Variants in PI4KA observed in about 807,000 individuals in gnomAD.
The protein encoded by PI4KA is phosphatidylinositol 4-kinase alpha, also known as PI4-kinase alpha.
Under a neutral mutation model 271.4 loss-of-function variants are expected in PI4KA, and 122 were observed. That is an observed-to-expected ratio of 0.45 (90% CI 0.39 to 0.52). PI4KA has a LOEUF of 0.52. PI4KA is among the 20% of genes least tolerant of loss of function. PI4KA has a pLI of 0.00. For missense variants in PI4KA, 1,969 were observed against 2,769.1 expected (o/e 0.71, Z 6.48); for synonymous variants, 1,041 against 1,078.8 (o/e 0.96, Z 0.69).
Position 20,834,893 on chromosome 22 carries a change from G to A in PI4KA, c.274-238C>T, listed in dbSNP as rs183821241. The stretch of plus-strand genomic sequence containing the variant: ...ACCACAGGAGCCTAAGGAAGGGTTC[G>A]CACCTGCCTTCTGGAGCTGAGGGTC... On this transcript the variant is annotated intron_variant, in intron 2 of 54. Coordinates refer to ENST00000255882, the MANE Select transcript of PI4KA (RefSeq NM_058004.4). Among the ~76,000 whole-genome samples the A allele has an allele frequency of 3.7e-4, 56 of 152,272 alleles. No homozygotes were observed. The East Asian group carries it at 7.9e-3, about 22-fold the overall frequency.
rs1459776670 is a variant in PI4KA, at chr22:20,727,535, T to A, written c.4774-138A>T. 4.7e-6 allele frequency: 4 copies of A among 851,730 alleles called. No individual in the cohort carries two copies. In the Admixed American group the frequency reaches 9.2e-5, roughly 20 times the overall value. The allele number at this position is 851,730 out of a possible 1,614,324, so 52.8% of individuals were successfully genotyped here. ...GTAACCATGGGGAAGATGCTTCTGA[T>A]GTGTTATGGAAAACAACGTAACTGC... On this transcript the variant is annotated intron_variant, in intron 40 of 54. Coordinates refer to ENST00000255882, the MANE Select transcript of PI4KA (RefSeq NM_058004.4).
intron 45 of PI4KA, among the ~76,000 whole-genome samples, chr22:20,715,766 G>T (rs542075674): frequency 6.6e-6 from 1 of 152,070 alleles, no homozygotes; most frequent in Non-Finnish European, 1.5e-5. Context: ...GAGCCACCGC[G>T]CCCGGCCAAC....
intron 4 of PI4KA, among the ~76,000 whole-genome samples, chr22:20,824,020 T>C (rs1396388346): frequency 6.6e-6 from 1 of 152,092 alleles, no homozygotes. Flanking sequence ...TCTGCCTTTT[T>C]CTGCCGCCTA....
intron 3 of PI4KA, among the ~76,000 whole-genome samples, chr22:20,833,236 C>T (rs962461793): frequency 7.9e-5 from 12 of 152,116 alleles, no homozygotes; most frequent in African/African-American, 2.9e-4. Context: ...TTCTCTGGCT[C>T]TCTGAGGTTG....
At chr22:20,830,771 GTTGT>G (rs1405453741) in intron 3 of PI4KA, among the ~76,000 whole-genome samples, 1 of 151,936 alleles carries the variant, frequency 6.6e-6, no homozygotes, top group African/African-American at 2.4e-5. Flanking sequence ...TGTTATTGTT[GTTGT>G]TTGTTCTTTT....
chr22:20,779,310 A>C, intron 19 of PI4KA: 1 of 1,614,212 alleles, frequency 6.2e-7, no homozygotes, highest in Non-Finnish European at 8.5e-7. Flanking sequence ...TAGCTCCGCC[A>C]AAATGAAACA....
Position 20,831,578 on chromosome 22 carries a change from CAAAA to C in PI4KA, c.367+2980_367+2983del, listed in dbSNP as rs751063581. On this transcript the variant is annotated intron_variant, in intron 3 of 54. Coordinates refer to ENST00000255882, the MANE Select transcript of PI4KA (RefSeq NM_058004.4). The stretch of plus-strand genomic sequence containing the variant: ...GTGAGACTCTTTCTCAAAACACAAA[CAAAA>C]ACAAAAACAAAAACAAAAACAAAAA... 4.0e-3 allele frequency among the ~76,000 whole-genome samples: 416 copies of C among 105,252 alleles called. 5 individuals are homozygous for C. The East Asian group carries it at 0.081, about 20-fold the overall frequency. 69.0% of individuals were successfully genotyped at this position (105,252 alleles called of 152,430 possible).
At chr22:20,741,112 T>C (rs1256294032) in intron 32 of PI4KA, among the ~76,000 whole-genome samples, 2 of 152,182 alleles carry the variant, frequency 1.3e-5, no homozygotes, top group East Asian at 1.9e-4. Flanking sequence ...ATGCATATAG[T>C]AGTAAAATAT....
chr22:20,743,279 G>A (rs1375730251), intron 30 of PI4KA, among the ~76,000 whole-genome samples: 1 of 152,006 alleles, frequency 6.6e-6, no homozygotes, highest in African/African-American at 2.4e-5. Flanking sequence ...CCAAGTAGCT[G>A]GATTACAGGC....
At chr22:20,845,101 A>G (rs944503197) in intron 1 of PI4KA, among the ~76,000 whole-genome samples, 10 of 152,210 alleles carry the variant, frequency 6.6e-5, no homozygotes, top group African/African-American at 2.2e-4. Flanking sequence ...TGTTAAGTCA[A>G]TGGACCACAG....
intron 42 of PI4KA, among the ~76,000 whole-genome samples, chr22:20,722,183 TTTTGTTTG>T (rs374559280): frequency 1.3e-5 from 2 of 152,082 alleles, no homozygotes; most frequent in African/African-American, 2.4e-5. Context: ...CGGGAAGTTT[TTTTGTTTG>T]TTTGTTTGTT....
chr22:20,730,141 G>A (rs542700566), intron 36 of PI4KA, 130 bp from the exon 37 acceptor site: 12 of 967,138 alleles, frequency 1.2e-5, no homozygotes, highest in African/African-American at 3.3e-5. Flanking sequence ...TCCTGGAATC[G>A]ACTGCAGGAA....
chr22:20,730,577 T>C (rs977164291), intron 36 of PI4KA, among the ~76,000 whole-genome samples: 1 of 148,870 alleles, frequency 6.7e-6, no homozygotes, highest in African/African-American at 2.5e-5. Flanking sequence ...GCCCAGCCTA[T>C]GTTTTATTTT....
chr22:20,735,941 A>G (rs1016794398), intron 32 of PI4KA, among the ~76,000 whole-genome samples: 2 of 152,208 alleles, frequency 1.3e-5, no homozygotes, highest in African/African-American at 4.8e-5. Context: ...TTGTTACACA[A>G]CCACATCCTG....
chr22:20,803,115 T>C, intron 13 of PI4KA, 76 bp downstream of exon 13: 1 of 1,489,206 alleles, frequency 6.7e-7, no homozygotes, highest in Non-Finnish European at 9.4e-7. Context: ...GGTACAGTCA[T>C]GAAACCTGTG....
In PI4KA at chr22:20,818,551, T is replaced by G; in HGVS notation, c.790-2A>C. The G allele has an allele frequency of 6.5e-7, 1 of 1,535,730 alleles. No individual in the cohort carries two copies. The highest frequency in any genetic ancestry group is 8.7e-7 in the Non-Finnish European group (1 of 1,150,998). On this transcript the variant is annotated splice_acceptor_variant, in intron 6 of 54. Transcript: ENST00000255882. LOFTEE classifies it high-confidence loss of function. ...GGGCATGCCGCGTTCAGGGCTGACC[T>G]GAAACACACAACCACAGTTACATAT...
chr22:20,834,628 G>A lies in PI4KA; in HGVS notation c.301C>T (p.Leu101Phe). The change falls in exon 3 of 55, where the codon CTT (leucine) becomes TTT (phenylalanine). Residue 101 changes from leucine to phenylalanine, a missense_variant. Leu to Phe is a conservative substitution (Grantham distance 22). Transcript: ENST00000255882. Reference protein sequence around the residue: ...QHKDCVVPYLLRLLKGLPKVY... With the variant: ...QHKDCVVPYLFRLLKGLPKVY... ...TTTGGAAGACCTTTGAGAAGTCGAA[G>A]AAGGTAAGGAACCACACAATCTTTG... 6.2e-7 allele frequency: 1 copy of A among 1,607,676 alleles called. No individual in the cohort carries two copies. The highest frequency in any genetic ancestry group is 8.5e-7 in the Non-Finnish European group (1 of 1,174,190).
chr22:20,794,426 G>A (rs367744419), intron 18 of PI4KA, among the ~76,000 whole-genome samples: 12 of 152,238 alleles, frequency 7.9e-5, no homozygotes, highest in Admixed American at 4.6e-4. Flanking sequence ...CGCTAGACAC[G>A]CGGGACACAC....
chr22:20,805,169 T>C lies in PI4KA; in HGVS notation c.1169-4A>G. On this transcript the variant is annotated splice_region_variant and splice_polypyrimidine_tract_variant and intron_variant, in intron 10 of 54. Coordinates refer to ENST00000255882, the MANE Select transcript of PI4KA (RefSeq NM_058004.4). Reference sequence around the variant, plus strand: ...TTCACAAAAGAGGTCGGGAGGTCTGTAGGAAAGAGTGTGGCATCACAGCTG... The same window carrying C: ...TTCACAAAAGAGGTCGGGAGGTCTGCAGGAAAGAGTGTGGCATCACAGCTG... 1 of 1,610,272 alleles carries C rather than the reference T, an allele frequency of 6.2e-7. No individual in the cohort carries two copies. Among genetic ancestry groups the C allele is most frequent in the East Asian group, 2.2e-5 (1 of 44,832 alleles).
Sources: allele counts gnomAD v4.1 joint callset (sites outside exome capture counted in the v4.1 genomes callset), GRCh38; gene constraint gnomAD v4.1.1; transcripts MANE v1.5; gene names NCBI Gene and HGNC (gene_info 2026-07-23, HGNC 2026-07-21).